COPG2: variants seen among roughly 807,000 people sequenced by gnomAD.
The protein encoded by COPG2 is coatomer subunit gamma-2.
Under a neutral mutation model 46.3 loss-of-function variants are expected in COPG2, and 37 were observed. The ratio of observed to expected loss-of-function variants is 0.80; its 90% CI spans 0.61 to 1.05. The LOEUF is 1.05. Ranked by LOEUF, COPG2 falls within the 50% of genes least tolerant of loss-of-function variation. The pLI, the probability that COPG2 is intolerant of heterozygous loss-of-function variation, is 0.00. For missense variants in COPG2, 427 were observed against 387.8 expected (o/e 1.10, Z -0.85); for synonymous variants, 159 against 129.7 (o/e 1.23, Z -1.53).
chr7:130,568,518 T>G (rs1793842268), intron 9 of COPG2, among the ~76,000 whole-genome samples: 1 of 152,160 alleles, frequency 6.6e-6, no homozygotes. Flanking sequence ...ATCACAATCC[T>G]AAATATATAT....
intron 9 of COPG2, among the ~76,000 whole-genome samples, chr7:130,609,156 C>T (rs1554451673): frequency 6.6e-6 from 1 of 152,134 alleles, no homozygotes; most frequent in East Asian, 1.9e-4. Flanking sequence ...GCTAGGATTA[C>T]AGCCATGAGC....
At chr7:130,581,830 G>A (rs1158397350) in intron 9 of COPG2, among the ~76,000 whole-genome samples, 1 of 140,708 alleles carries the variant, frequency 7.1e-6, no homozygotes, top group Non-Finnish European at 1.6e-5. Context: ...ACAAACCACT[G>A]CTCAAGGAAA....
chr7:130,572,759 A>G, intron 9 of COPG2, among the ~76,000 whole-genome samples: 1 of 152,044 alleles, frequency 6.6e-6, no homozygotes, highest in East Asian at 1.9e-4. Flanking sequence ...ATCAAAAACA[A>G]AAAAGGGTCT....
chr7:130,582,444 T>C (rs1179339921), intron 9 of COPG2, among the ~76,000 whole-genome samples: 4 of 151,588 alleles, frequency 2.6e-5, no homozygotes, highest in South Asian at 4.2e-4. Flanking sequence ...TGGGCAAGGA[T>C]TTCATGTCCA....
chr7:130,550,388 G>A (rs888741091), intron 17 of COPG2, 136 bp downstream of exon 17: 1 of 280,228 alleles, frequency 3.6e-6, no homozygotes, highest in Non-Finnish European at 6.3e-6. Flanking sequence ...TCCAGCCTGT[G>A]CGACGGGAGT....
At chr7:130,517,235 A>C (rs892701286) in intron 20 of COPG2, among the ~76,000 whole-genome samples, 16 of 152,222 alleles carry the variant, frequency 1.1e-4, no homozygotes, top group Admixed American at 5.2e-4. Context: ...GAAGGAAGAG[A>C]GAGCTGGCTA....
intron 20 of COPG2, among the ~76,000 whole-genome samples, chr7:130,513,736 T>C (rs1324730819): frequency 1.3e-5 from 2 of 152,084 alleles, no homozygotes; most frequent in African/African-American, 4.8e-5. Context: ...GTGCAAGTGT[T>C]TTCAGAGTAG....
chr7:130,532,080 G>A (rs1257646311), intron 20 of COPG2, among the ~76,000 whole-genome samples: 5 of 152,172 alleles, frequency 3.3e-5, no homozygotes, highest in African/African-American at 1.2e-4. Flanking sequence ...ATGGAGAGCC[G>A]GGCAGACATG....
chr7:130,533,658 T>A (rs925230416), intron 20 of COPG2, among the ~76,000 whole-genome samples: 1 of 151,868 alleles, frequency 6.6e-6, no homozygotes, highest in Non-Finnish European at 1.5e-5. Context: ...ATACAGCATG[T>A]TAGGGACAAA....
intron 9 of COPG2, among the ~76,000 whole-genome samples, chr7:130,587,564 C>T (rs528245009): frequency 1.8e-4 from 27 of 152,022 alleles, no homozygotes; most frequent in East Asian, 7.7e-4. Flanking sequence ...ATTTAATAAA[C>T]GGTGCTGGGA....
At chr7:130,522,218 CTT>C (rs1229965244) in intron 20 of COPG2, among the ~76,000 whole-genome samples, 1 of 151,982 alleles carries the variant, frequency 6.6e-6, no homozygotes, top group African/African-American at 2.4e-5. Flanking sequence ...CTAAGAGAGT[CTT>C]TAAGAAAATC....
At chr7:130,668,255 G>A (rs1221176323) in intron 1 of COPG2, among the ~76,000 whole-genome samples, 2 of 152,062 alleles carry the variant, frequency 1.3e-5, no homozygotes, top group African/African-American at 2.4e-5. Flanking sequence ...CCGGGAACAG[G>A]GTGCTCCCAC....
chr7:130,577,947 G>A (rs1402350954), intron 9 of COPG2, among the ~76,000 whole-genome samples: 1 of 152,178 alleles, frequency 6.6e-6, no homozygotes, highest in Non-Finnish European at 1.5e-5. Context: ...GCCCAGGCTT[G>A]CTTAGGTAAA....
At chr7:130,653,729 T>C (rs73724350) in intron 4 of COPG2, among the ~76,000 whole-genome samples, 8,726 of 152,122 alleles carry the variant, frequency 0.057, 316 homozygotes, top group African/African-American at 0.1. Flanking sequence ...TTCTTTTAAG[T>C]AGAGAAACCC....
At chr7:130,625,672 G>GT (rs35495315) in intron 5 of COPG2, among the ~76,000 whole-genome samples, 7,533 of 141,424 alleles carry the variant, frequency 0.053, 553 homozygotes, top group African/African-American at 0.17. Context: ...TGCTTTCTCC[G>GT]TTTTTTTTTT....
chr7:130,518,740 A>C (rs1799699919), intron 20 of COPG2, among the ~76,000 whole-genome samples: 2 of 152,208 alleles, frequency 1.3e-5, no homozygotes. Context: ...ACAGTTGCTC[A>C]TGCCTGTAAT....
At chr7:130,613,119 T>C (rs1021750064) in intron 7 of COPG2, among the ~76,000 whole-genome samples, 8 of 152,318 alleles carry the variant, frequency 5.3e-5, no homozygotes, top group East Asian at 1.9e-4. Flanking sequence ...AATTTTCCCA[T>C]GGACAGAGGG....
intron 20 of COPG2, among the ~76,000 whole-genome samples, chr7:130,544,647 G>A (rs1261312186): frequency 6.6e-6 from 1 of 152,090 alleles, no homozygotes; most frequent in Non-Finnish European, 1.5e-5. Flanking sequence ...GGTCAAACAT[G>A]GGGAATAATT....
chr7:130,599,610 C>T (rs1427755658), intron 9 of COPG2, among the ~76,000 whole-genome samples: 2 of 151,940 alleles, frequency 1.3e-5, no homozygotes, highest in African/African-American at 4.8e-5. Context: ...GTACATTTCT[C>T]TTTGCAGTAA....
Sources: gnomAD v4.1 joint callset for allele counts (sites outside exome capture counted in the v4.1 genomes callset) on GRCh38, gnomAD v4.1.1 for gene constraint, MANE v1.5 for transcripts, NCBI Gene and HGNC (gene_info 2026-07-23, HGNC 2026-07-21) for gene names.